The following ETV7 variants were observed in gnomAD, a reference collection of about 807,000 sequenced individuals.
ETV7 encodes transcription factor ETV7.
A neutral mutation model predicts 39.1 loss-of-function variants in ETV7; 43 were observed. The observed-to-expected ratio is 1.10, with a 90% CI of 0.86 to 1.42. The LOEUF is 1.42. ETV7 is among the 40% of genes most tolerant of loss of function. The pLI is 0.00. For missense variants in ETV7, 432 were observed against 442.3 expected (o/e 0.98, Z 0.21); for synonymous variants, 196 against 176.6 (o/e 1.11, Z -0.87).
chr6:36,379,821 A>G (rs935587504), intron 2 of ETV7, among the ~76,000 whole-genome samples: 3 of 151,428 alleles, frequency 2.0e-5, no homozygotes, highest in African/African-American at 7.3e-5. Context: ...GGTTGCAGTG[A>G]GCTGAGATCA....
chr6:36,366,131 G>T (rs946259295), downstream of ETV7: 40 of 935,878 alleles, frequency 4.3e-5, no homozygotes, highest in Non-Finnish European at 5.0e-5. Flanking sequence ...CCGAGATCGT[G>T]CCACTGCACT....
intron 2 of ETV7, among the ~76,000 whole-genome samples, chr6:36,381,675 G>A (rs546164999): frequency 1.1e-4 from 16 of 152,116 alleles, no homozygotes; most frequent in Admixed American, 4.6e-4. Context: ...TGTCTTGGTC[G>A]ATAATCCTTT....
At chr6:36,367,080 C>T in intron 6 of ETV7, 105 bp from the exon 7 acceptor site, 1 of 867,536 alleles carries the variant, frequency 1.2e-6, no homozygotes, top group South Asian at 1.4e-5. Flanking sequence ...GCCTCTCATT[C>T]CAGGGATCTG....
chr6:36,376,504 G>A lies in ETV7; in HGVS notation c.143-469C>T, dbSNP rs190967741. Among the ~76,000 whole-genome samples, 764 of 152,292 alleles carry A rather than the reference G, an allele frequency of 5.0e-3. 1 individual carries two copies. Among genetic ancestry groups the A allele is most frequent in the Non-Finnish European group, 7.5e-3 (509 of 68,014 alleles). ...ATGAAAGGGGTGTTACTGGCCAGGCGCGGTGGCTCATGCCTGTAATCTCAG... is the reference window on the plus strand; with the variant it reads ...ATGAAAGGGGTGTTACTGGCCAGGCACGGTGGCTCATGCCTGTAATCTCAG... On this transcript the variant is annotated intron_variant, in intron 2 of 7. Transcript: ENST00000340181.
At chr6:36,369,220 C>T in intron 5 of ETV7, 149 bp from the exon 6 acceptor site, 1 of 812,110 alleles carries the variant, frequency 1.2e-6, no homozygotes, top group South Asian at 1.7e-5. Flanking sequence ...GAAACAGCCA[C>T]TAATGGGGCT....
chr6:36,387,462 C>A (rs1406891694), intron 1 of ETV7, 74 bp downstream of exon 1: 1 of 1,602,350 alleles, frequency 6.2e-7, no homozygotes, highest in Non-Finnish European at 8.5e-7. Context: ...GTTTGGAAAT[C>A]TAGGTGGTGA....
In ETV7 at chr6:36,371,415, A is replaced by T. The variant is rs1198015968; in HGVS notation, c.579T>A (p.Cys193Ter). 2.5e-6 allele frequency: 4 copies of T among 1,602,788 alleles called. No homozygotes were observed. The highest frequency in any genetic ancestry group is 1.1e-5 in the South Asian group (1 of 89,184). Residue 193 changes from cysteine to a stop codon, truncating the protein, a stop_gained, in exon 5 of 8, where the codon TGT (cysteine) becomes TGA (stop). Coordinates refer to ENST00000340181, the MANE Select transcript of ETV7 (RefSeq NM_016135.4). LOFTEE classifies it high-confidence loss of function. ...TPGKEESLNLCHCAELGCRTQ... is the reference protein window; with the variant it reads ...TPGKEESLNL ...TCCTGCAGCCGAGCTCTGCACAGTG[A>T]CATAAGTTGAGGGACTCCTCCTTGC...
downstream of ETV7, among the ~76,000 whole-genome samples, chr6:36,364,572 G>A (rs906303504): frequency 3.3e-5 from 5 of 152,342 alleles, no homozygotes; most frequent in African/African-American, 9.6e-5. Context: ...CAGCTGGCCC[G>A]CAAGCGCCGC....
intron 6 of ETV7, among the ~76,000 whole-genome samples, chr6:36,368,487 A>G (rs773960428): frequency 2.0e-5 from 3 of 152,186 alleles, no homozygotes; most frequent in Non-Finnish European, 4.4e-5. Context: ...ATCATCTTAC[A>G]GACACCCATT....
intron 7 of ETV7, among the ~76,000 whole-genome samples, chr6:36,357,875 CTCAAAAACAAAA>C (rs1772381847): frequency 6.6e-6 from 1 of 151,142 alleles, no homozygotes; most frequent in Admixed American, 6.6e-5. Flanking sequence ...GAGATTCTGT[CTCAAAAACAAAA>C]ACAAAAACAA....
intron 6 of ETV7, 69 bp downstream of exon 6, chr6:36,368,860 G>A: frequency 1.9e-6 from 3 of 1,602,152 alleles, no homozygotes; most frequent in Non-Finnish European, 2.6e-6. Context: ...TAGTGCTAGG[G>A]GTCCACTCTG....
chr6:36,371,366 CG>C lies in ETV7; in HGVS notation c.627del (p.Ala210ArgfsTer63). ...CCGTCAATGGGGGCCTGCGGCATCG[CG>C]GGGAAGGAACAGACCCCCTGGGTCC... Reference protein sequence around the residue: ...GCRTQGVCSFPAMPQAPIDGR... With the variant: ...GCRTQGVCSFXAMPQAPIDGR... On this transcript the variant is annotated frameshift_variant, in exon 5 of 8. Transcript: ENST00000340181. LOFTEE classifies it high-confidence loss of function. The C allele has an allele frequency of 1.3e-6, 2 of 1,599,146 alleles. No individual in the cohort carries two copies. The highest frequency in any genetic ancestry group is 1.1e-5 in the South Asian group (1 of 88,812).
At chr6:36,387,512 C>A (rs1561920642) in intron 1 of ETV7, 24 bp downstream of exon 1, 1 of 1,614,054 alleles carries the variant, frequency 6.2e-7, no homozygotes. Flanking sequence ...GTGCGCGCTG[C>A]GTGTTCAGCC....
intron 5 of ETV7, among the ~76,000 whole-genome samples, chr6:36,370,089 T>C (rs1026885736): frequency 1.4e-4 from 21 of 152,306 alleles, no homozygotes; most frequent in African/African-American, 4.6e-4. Context: ...GGGCCAATTG[T>C]TTTTTAGTGA....
Position 36,369,092 on chromosome 6 carries a change from T to C in ETV7, c.665-21A>G, listed in dbSNP as rs201398901. 5.8e-5 allele frequency: 94 copies of C among 1,613,486 alleles called. No homozygotes were observed. In the African/African-American group the frequency reaches 1.1e-3, roughly 18 times the overall value. On this transcript the variant is annotated intron_variant, in intron 5 of 7. Coordinates refer to ENST00000340181, the MANE Select transcript of ETV7 (RefSeq NM_016135.4). ...GCAGTCTGCAATTTAGCACAGGGAG[T>C]GCAGGCAGCGCAGCTTTACTGGAGC...
At chr6:36,364,911 C>T (rs144578180), downstream of ETV7, among the ~76,000 whole-genome samples, 19 of 152,338 alleles carry the variant, frequency 1.2e-4, 2 homozygotes, top group East Asian at 3.5e-3. Context: ...TTTCCAAAGC[C>T]ACCTGCCTGC....
At chr6:36,380,655 G>A (rs1289773757) in intron 2 of ETV7, among the ~76,000 whole-genome samples, 6 of 152,186 alleles carry the variant, frequency 3.9e-5, no homozygotes, top group East Asian at 1.9e-4. Context: ...TGGACATAGC[G>A]CTTCTTTACA....
intron 2 of ETV7, among the ~76,000 whole-genome samples, chr6:36,381,252 T>C (rs925931429): frequency 2.0e-5 from 3 of 152,160 alleles, no homozygotes; most frequent in Non-Finnish European, 4.4e-5. Context: ...AGGCAGTTTC[T>C]CAAAGCAAAT....
At chr6:36,375,758 T>C in intron 3 of ETV7, 113 bp downstream of exon 3, 2 of 1,535,898 alleles carry the variant, frequency 1.3e-6, no homozygotes, top group Non-Finnish European at 1.8e-6. Flanking sequence ...GAAATGAGCA[T>C]GATTCCCCAA....
Sources: gnomAD v4.1 joint callset for allele counts (sites outside exome capture counted in the v4.1 genomes callset) on GRCh38, gnomAD v4.1.1 for gene constraint, MANE v1.5 for transcripts, NCBI Gene and HGNC (gene_info 2026-07-23, HGNC 2026-07-21) for gene names.